DOCK5: variants seen among roughly 807,000 people sequenced by gnomAD.
DOCK5 encodes the protein dedicator of cytokinesis protein 5.
A neutral mutation model predicts 251.8 loss-of-function variants in DOCK5; 142 were observed. That is an observed-to-expected ratio of 0.56 (90% CI 0.49 to 0.65). The LOEUF is 0.65. Among genes scored for constraint, DOCK5 ranks in the 30% least tolerant of loss-of-function variants. The pLI is 0.00. For missense variants in DOCK5, 2,111 were observed against 2,312.3 expected, an observed-to-expected ratio of 0.91 and a Z score of 1.79; for synonymous variants, 842 against 835.5, an observed-to-expected ratio of 1.01 and a Z score of -0.13.
At chr8:25,270,472 C>G (rs1803876903) in intron 3 of DOCK5, among the ~76,000 whole-genome samples, 1 of 152,090 alleles carries the variant, frequency 6.6e-6, no homozygotes, top group Admixed American at 6.5e-5. Context: ...TTAGAGTTAA[C>G]AATTTTGATG....
chr8:25,256,991 G>C (rs1051611953), intron 2 of DOCK5, among the ~76,000 whole-genome samples: 2 of 151,796 alleles, frequency 1.3e-5, no homozygotes, highest in East Asian at 3.9e-4. Flanking sequence ...TTCATATCAG[G>C]TACTATAGTC....
At chr8:25,266,162 C>T (rs577098169) in intron 2 of DOCK5, among the ~76,000 whole-genome samples, 7 of 151,892 alleles carry the variant, frequency 4.6e-5, no homozygotes, top group African/African-American at 1.5e-4. Flanking sequence ...GACCACTTCA[C>T]ACCACCCACC....
Position 25,392,821 on chromosome 8 carries a change from A to G in DOCK5, c.4466A>G (p.Tyr1489Cys). Reference sequence around the variant, plus strand: ...ACGATGTGGATTGAACGGACCACGTATACGACTGCATATACCTTTCCTGGG... The same window carrying G: ...ACGATGTGGATTGAACGGACCACGTGTACGACTGCATATACCTTTCCTGGG... ...FATMWIERTT[Y>C]TTAYTFPGIL... Residue 1489 changes from tyrosine to cysteine, a missense_variant, in exon 44 of 52, where the codon TAT (tyrosine) becomes TGT (cysteine). Around this residue, in one of 3 missense-constraint regions of DOCK5, gnomAD observed 1,717 missense variants for 1,892.4 expected, o/e 0.91. Transcript: ENST00000276440. 6 of 1,613,302 alleles carry G rather than the reference A, an allele frequency of 3.7e-6. No homozygotes were observed. The highest frequency in any genetic ancestry group is 5.1e-6 in the Non-Finnish European group (6 of 1,179,636).
At chr8:25,223,854 G>T (rs941892321) in intron 1 of DOCK5, among the ~76,000 whole-genome samples, 2 of 152,170 alleles carry the variant, frequency 1.3e-5, no homozygotes, top group Non-Finnish European at 2.9e-5. Context: ...CTTTATGGAT[G>T]AAGCATTGAA....
At chr8:25,210,076 C>T (rs566569801) in intron 1 of DOCK5, among the ~76,000 whole-genome samples, 1,609 of 19,640 alleles carry the variant, frequency 0.082, 393 homozygotes, top group Admixed American at 0.11. Flanking sequence ...GTGTATCTGT[C>T]TATTTATCTA....
In DOCK5 at chr8:25,312,686, C is replaced by T. The variant is rs59891551; in HGVS notation, c.1318+2154C>T. On this transcript the variant is annotated intron_variant, in intron 13 of 51. Coordinates refer to ENST00000276440, the MANE Select transcript of DOCK5 (RefSeq NM_024940.8). ...GCTGAGGCAGGAGAATTGCTTGAAC[C>T]CGGGAGGCGGTGGTTGCAGTGAGCT... Among the ~76,000 whole-genome samples the T allele has an allele frequency of 1.7e-3, 254 of 147,432 alleles. 3 individuals are homozygous for T. Among genetic ancestry groups the T allele is most frequent in the African/African-American group, 5.8e-3 (233 of 40,094 alleles).
chr8:25,340,739 A>T, intron 22 of DOCK5, 138 bp from the exon 23 acceptor site: 1 of 706,782 alleles, frequency 1.4e-6, no homozygotes, highest in Non-Finnish European at 2.3e-6. Flanking sequence ...CTGAAACTTC[A>T]GATGACTGGG....
chr8:25,362,481 T>A (rs1204994386), intron 28 of DOCK5, among the ~76,000 whole-genome samples: 10 of 135,638 alleles, frequency 7.4e-5, no homozygotes, highest in African/African-American at 1.4e-4. Flanking sequence ...TTTTTTTTTT[T>A]TTTGAGATAG....
At chr8:25,342,588 C>G (rs1805981057) in intron 25 of DOCK5, 81 bp downstream of exon 25, 3 of 1,013,966 alleles carry the variant, frequency 3.0e-6, no homozygotes, top group Admixed American at 4.6e-5. Flanking sequence ...GGTGACAGAA[C>G]AAGACTCCAT....
intron 21 of DOCK5, 68 bp from the exon 22 acceptor site, chr8:25,336,171 A>T: frequency 6.5e-7 from 1 of 1,534,068 alleles, no homozygotes; most frequent in South Asian, 1.2e-5. Context: ...CCCCTCTTAG[A>T]TAACTTACCC....
At chr8:25,292,761 C>T (rs1415137337) in intron 6 of DOCK5, among the ~76,000 whole-genome samples, 1 of 152,084 alleles carries the variant, frequency 6.6e-6, no homozygotes, top group Admixed American at 6.6e-5. Context: ...AACTAAAATC[C>T]CTGAAAATGA....
intron 1 of DOCK5, among the ~76,000 whole-genome samples, chr8:25,225,965 G>C (rs1802520254): frequency 2.0e-5 from 3 of 152,196 alleles, no homozygotes; most frequent in South Asian, 4.1e-4. Flanking sequence ...TCTGGAGGTT[G>C]GTTGCACTAC....
At chr8:25,355,045 G>A (rs1342150935) in intron 27 of DOCK5, among the ~76,000 whole-genome samples, 1 of 152,056 alleles carries the variant, frequency 6.6e-6, no homozygotes, top group Non-Finnish European at 1.5e-5. Flanking sequence ...ACTAGTGTGG[G>A]CAACATAGCA....
rs1414641841 is a variant in DOCK5 at position 25,340,896 on chromosome 8, G to A, written c.2347G>A (p.Asp783Asn). Residue 783 changes from aspartate to asparagine, a missense_variant, in exon 23 of 52, where the codon GAT becomes AAT. Physicochemically the swap from Asp to Asn is conservative, Grantham distance 23. Coordinates refer to ENST00000276440, the MANE Select transcript of DOCK5 (RefSeq NM_024940.8). ...LYLRFYGQSK[D>N]GDEFNNSIRQ... Reference sequence around the variant, plus strand: ...ATTAAGATTTTATGGGCAGAGCAAAGATGGAGATGAGTTTAATAATTCAAT... The same window carrying A: ...ATTAAGATTTTATGGGCAGAGCAAAAATGGAGATGAGTTTAATAATTCAAT... 5.6e-6 allele frequency: 9 copies of A among 1,613,638 alleles called. No individual in the cohort carries two copies. Among genetic ancestry groups the A allele is most frequent in the Non-Finnish European group, 7.6e-6 (9 of 1,179,750 alleles).
intron 1 of DOCK5, among the ~76,000 whole-genome samples, chr8:25,201,486 G>T (rs981530578): frequency 6.6e-6 from 1 of 152,164 alleles, no homozygotes; most frequent in Admixed American, 6.5e-5. Flanking sequence ...TACAGATGTT[G>T]ACTTGTTTAG....
intron 1 of DOCK5, 55 bp downstream of exon 1, chr8:25,185,006 C>A: frequency 7.7e-7 from 1 of 1,303,872 alleles, no homozygotes; most frequent in Non-Finnish European, 9.8e-7. Flanking sequence ...AGTTCGCGGA[C>A]AGCGGCCCTG....
chr8:25,272,789 C>T (rs1222860457), intron 3 of DOCK5, among the ~76,000 whole-genome samples: 1 of 152,148 alleles, frequency 6.6e-6, no homozygotes, highest in African/African-American at 2.4e-5. Context: ...GTGCAACCAT[C>T]AACACCATCC....
chr8:25,189,935 G>A (rs1269703210), intron 1 of DOCK5, among the ~76,000 whole-genome samples: 1 of 152,070 alleles, frequency 6.6e-6, no homozygotes, highest in Admixed American at 6.5e-5. Context: ...CGCCCAGGCT[G>A]GAGTGCAGTG....
intron 28 of DOCK5, 121 bp downstream of exon 28, chr8:25,359,182 G>T: frequency 2.6e-6 from 2 of 777,718 alleles, no homozygotes; most frequent in South Asian, 1.6e-5. Context: ...GTGCTATGTG[G>T]CTGTCCACAG....
Sources: allele counts gnomAD v4.1 joint callset (sites outside exome capture counted in the v4.1 genomes callset), GRCh38; gene constraint gnomAD v4.1.1; regional missense constraint gnomAD v4.1.1; transcripts MANE v1.5; gene names NCBI Gene and HGNC (gene_info 2026-07-23, HGNC 2026-07-21).